Variants in ZCWPW2 observed in about 807,000 individuals in gnomAD.
The protein encoded by ZCWPW2 is zinc finger CW-type PWWP domain protein 2.
ZCWPW2 carries 45 observed loss-of-function variants against 46.6 expected under a neutral mutation model. The ratio of observed to expected loss-of-function variants is 0.96; its 90% CI spans 0.76 to 1.24. The LOEUF (loss-of-function observed/expected upper bound fraction) is 1.24, where lower values mean the gene tolerates loss of function less well. ZCWPW2 is among the 50% of genes most tolerant of loss of function. The pLI, the probability that ZCWPW2 is intolerant of heterozygous loss-of-function variation, is 0.00. For synonymous variants in ZCWPW2, 152 were observed against 137.1 expected (o/e 1.11, Z -0.76); for missense variants, 429 against 403.9 (o/e 1.06, Z -0.53).
At chr3:28,401,730 T>C (rs1266872103) in intron 2 of ZCWPW2, among the ~76,000 whole-genome samples, 2 of 152,072 alleles carry the variant, frequency 1.3e-5, no homozygotes, top group African/African-American at 4.8e-5. Context: ...TATCAGGCAC[T>C]CTTTCAGACC....
At chr3:28,436,132 T>A (rs188563744) in intron 4 of ZCWPW2, among the ~76,000 whole-genome samples, 168 of 152,240 alleles carry the variant, frequency 1.1e-3, no homozygotes, top group Non-Finnish European at 1.9e-3. Flanking sequence ...TTCTCAAATT[T>A]ATGAGAATAG....
chr3:28,376,553 G>A (rs1705505492), intron 1 of ZCWPW2, among the ~76,000 whole-genome samples: 1 of 152,062 alleles, frequency 6.6e-6, no homozygotes, highest in East Asian at 1.9e-4. Flanking sequence ...GATTGTGGGA[G>A]GAGTGTCATG....
chr3:28,350,841 T>G (rs1378119463), intron 1 of ZCWPW2, among the ~76,000 whole-genome samples: 6 of 151,892 alleles, frequency 4.0e-5, no homozygotes, highest in Non-Finnish European at 8.8e-5. Context: ...GTTAGATAAT[T>G]GTTAAGCTCT....
intron 4 of ZCWPW2, among the ~76,000 whole-genome samples, chr3:28,470,632 A>AC: frequency 6.6e-6 from 1 of 152,116 alleles, no homozygotes; most frequent in Admixed American, 6.5e-5. Flanking sequence ...TGCCTAAATT[A>AC]AAAAAGAAGA....
intron 8 of ZCWPW2, 52 bp from the exon 9 acceptor site, chr3:28,520,940 A>G: frequency 4.4e-6 from 7 of 1,600,076 alleles, no homozygotes; most frequent in Non-Finnish European, 6.0e-6. Flanking sequence ...TATGAATTAG[A>G]TTGAATTAAG....
At chr3:28,414,679 T>C (rs1230725080) in intron 3 of ZCWPW2, among the ~76,000 whole-genome samples, 2 of 115,984 alleles carry the variant, frequency 1.7e-5, no homozygotes, top group Non-Finnish European at 3.5e-5. Context: ...CATTGTTCAA[T>C]TCCCACCTAT....
At chr3:28,393,476 G>A (rs1029915838) in intron 2 of ZCWPW2, among the ~76,000 whole-genome samples, 2 of 151,820 alleles carry the variant, frequency 1.3e-5, no homozygotes, top group African/African-American at 4.8e-5. Context: ...ATCAGACAAG[G>A]ACACTACAAG....
rs1170319974 is a variant in ZCWPW2, at chr3:28,348,946, CG to C, written c.-389del. 4.1e-6 allele frequency: 4 copies of C among 985,350 alleles called. No individual in the cohort carries two copies. The highest frequency in any genetic ancestry group is 4.8e-6 in the Non-Finnish European group (4 of 829,998). The allele number at this position is 985,350 out of a possible 1,614,324, so 61.0% of individuals were successfully genotyped here. On this transcript the variant is annotated 5_prime_UTR_variant, in exon 1 of 10. Coordinates refer to ENST00000383768, the MANE Select transcript of ZCWPW2 (RefSeq NM_001040432.4). ...CGGGCCGGAGGGAGGGGAAGCACTC[CG>C]GAAAGTGATTGGAAGTGTGGATGAG... is the stretch of plus-strand genomic sequence containing the variant.
chr3:28,379,646 G>C (rs1279095976), intron 1 of ZCWPW2, among the ~76,000 whole-genome samples: 1 of 152,012 alleles, frequency 6.6e-6, no homozygotes, highest in Non-Finnish European at 1.5e-5. Context: ...ATTAACACCA[G>C]TCATTATTTG....
At chr3:28,484,556 G>C (rs376396958) in intron 5 of ZCWPW2, among the ~76,000 whole-genome samples, 1 of 152,116 alleles carries the variant, frequency 6.6e-6, no homozygotes, top group Admixed American at 6.6e-5. Flanking sequence ...TATAAAATTT[G>C]TGGGCATAGA....
intron 1 of ZCWPW2, among the ~76,000 whole-genome samples, chr3:28,363,358 C>A (rs1705010533): frequency 6.6e-6 from 1 of 151,988 alleles, no homozygotes; most frequent in African/African-American, 2.4e-5. Flanking sequence ...TTCCCAGTGG[C>A]CAATAAAAAA....
chr3:28,404,495 G>T (rs1696079176), intron 2 of ZCWPW2, among the ~76,000 whole-genome samples: 1 of 152,054 alleles, frequency 6.6e-6, no homozygotes, highest in Admixed American at 6.6e-5. Flanking sequence ...AAGTAGAACT[G>T]CCATTTGATC....
intron 6 of ZCWPW2, among the ~76,000 whole-genome samples, chr3:28,502,251 A>G (rs1267399809): frequency 6.6e-6 from 1 of 152,122 alleles, no homozygotes; most frequent in Non-Finnish European, 1.5e-5. Flanking sequence ...GTAGTAAAAT[A>G]TTACAATTAG....
At chr3:28,393,760 A>G (rs1034932040) in intron 2 of ZCWPW2, among the ~76,000 whole-genome samples, 5 of 152,152 alleles carry the variant, frequency 3.3e-5, no homozygotes, top group African/African-American at 1.2e-4. Flanking sequence ...AAAACTCTTA[A>G]CAAAATAGAT....
At chr3:28,393,854 C>T (rs1285108649) in intron 2 of ZCWPW2, among the ~76,000 whole-genome samples, 1 of 152,028 alleles carries the variant, frequency 6.6e-6, no homozygotes, top group Non-Finnish European at 1.5e-5. Flanking sequence ...AAAGGTCTAA[C>T]GTTTTTCTCT....
intron 6 of ZCWPW2, among the ~76,000 whole-genome samples, chr3:28,497,265 T>C (rs568732170): frequency 6.6e-6 from 1 of 151,492 alleles, no homozygotes; most frequent in Admixed American, 6.6e-5. Context: ...CAAATGTGTA[T>C]ATACGTGTAA....
chr3:28,378,327 G>A (rs1267966922), intron 1 of ZCWPW2, among the ~76,000 whole-genome samples: 1 of 151,808 alleles, frequency 6.6e-6, no homozygotes, highest in Non-Finnish European at 1.5e-5. Flanking sequence ...AAAAAATCAT[G>A]AAAGACAAAG....
intron 6 of ZCWPW2, 30 bp downstream of exon 6, chr3:28,492,203 A>G: frequency 6.4e-7 from 1 of 1,557,380 alleles, no homozygotes; most frequent in Non-Finnish European, 8.7e-7. Flanking sequence ...TATAAAATAT[A>G]CAAACTTCAA....
At chr3:28,440,232 T>A (rs1038965221) in intron 4 of ZCWPW2, among the ~76,000 whole-genome samples, 2 of 152,212 alleles carry the variant, frequency 1.3e-5, no homozygotes, top group Non-Finnish European at 2.9e-5. Context: ...ACTCCTTTCA[T>A]AGCCTGTTGA....
Sources: allele counts gnomAD v4.1 joint callset (sites outside exome capture counted in the v4.1 genomes callset), GRCh38; gene constraint gnomAD v4.1.1; transcripts MANE v1.5; gene names NCBI Gene and HGNC (gene_info 2026-07-23, HGNC 2026-07-21).